Variants in CATSPERB observed in about 807,000 individuals in gnomAD.
The protein encoded by CATSPERB is catsper channel auxiliary subunit beta, also known as cation channel sperm-associated auxiliary subunit beta.
CATSPERB carries 93 observed loss-of-function variants against 128.3 expected under a neutral mutation model. The observed-to-expected ratio is 0.72, with a 90% CI of 0.61 to 0.86. CATSPERB has a LOEUF of 0.86. Ranked by LOEUF, CATSPERB falls within the 40% of genes least tolerant of loss-of-function variation. CATSPERB has a pLI of 0.00. For synonymous variants in CATSPERB, 381 were observed against 448.8 expected (o/e 0.85, Z 1.91); for missense variants, 1,153 against 1,329.5 (o/e 0.87, Z 2.06).
chr14:91,611,352 G>A (rs891365081), intron 20 of CATSPERB, among the ~76,000 whole-genome samples: 6 of 152,216 alleles, frequency 3.9e-5, no homozygotes, highest in African/African-American at 1.4e-4. Context: ...GCTCACGCCT[G>A]TAATCCCAGC....
chr14:91,684,883 C>T (rs1356321793), intron 10 of CATSPERB, among the ~76,000 whole-genome samples: 1 of 152,050 alleles, frequency 6.6e-6, no homozygotes, highest in Non-Finnish European at 1.5e-5. Context: ...TCCCAAAGTG[C>T]TGGCATTATA....
chr14:91,715,865 G>A (rs1176075647), intron 5 of CATSPERB, among the ~76,000 whole-genome samples: 1 of 152,106 alleles, frequency 6.6e-6, no homozygotes, highest in Non-Finnish European at 1.5e-5. Context: ...CAATGGTACT[G>A]GAATAACTGG....
intron 17 of CATSPERB, among the ~76,000 whole-genome samples, chr14:91,631,109 T>C (rs1385134054): frequency 1.3e-5 from 2 of 152,354 alleles, no homozygotes; most frequent in African/African-American, 4.8e-5. Context: ...AAAGCACATG[T>C]TAGATATGAA....
chr14:91,625,424 C>T (rs1295249718), intron 17 of CATSPERB, among the ~76,000 whole-genome samples: 2 of 152,008 alleles, frequency 1.3e-5, no homozygotes, highest in African/African-American at 4.8e-5. Context: ...GGGGAGAAAG[C>T]TTTCTATACA....
intron 22 of CATSPERB, among the ~76,000 whole-genome samples, 176 bp downstream of exon 22, chr14:91,608,118 T>C (rs1383011289): frequency 6.6e-6 from 1 of 152,152 alleles, no homozygotes; most frequent in Non-Finnish European, 1.5e-5. Flanking sequence ...TCCAAAACTG[T>C]ATTCAGGAAT....
intron 22 of CATSPERB, among the ~76,000 whole-genome samples, chr14:91,595,569 T>C (rs190510447): frequency 4.0e-3 from 613 of 152,272 alleles, no homozygotes; most frequent in African/African-American, 0.014. Context: ...AAGATAAACC[T>C]GGGGCTTCTG....
chr14:91,603,856 G>C (rs1438363305), intron 22 of CATSPERB, among the ~76,000 whole-genome samples: 1 of 152,134 alleles, frequency 6.6e-6, no homozygotes, highest in Non-Finnish European at 1.5e-5. Context: ...TCATACATGA[G>C]GCCTCACCTC....
At chr14:91,636,839 GA>G (rs1216674712) in intron 16 of CATSPERB, among the ~76,000 whole-genome samples, 3 of 152,226 alleles carry the variant, frequency 2.0e-5, no homozygotes, top group African/African-American at 2.4e-5. Context: ...TGGTTGGAGT[GA>G]AAGGGTACAT....
intron 3 of CATSPERB, 41 bp from the exon 4 acceptor site, chr14:91,723,230 T>C: frequency 2.9e-6 from 4 of 1,397,324 alleles, no homozygotes; most frequent in South Asian, 1.7e-5. Flanking sequence ...TAATAACCAC[T>C]TGATGCAGAC....
At chr14:91,698,127 G>A (rs186518412) in intron 7 of CATSPERB, among the ~76,000 whole-genome samples, 16 of 152,076 alleles carry the variant, frequency 1.1e-4, no homozygotes, top group African/African-American at 3.6e-4. Flanking sequence ...GGGTGTGTGT[G>A]TGGTGGGGGG....
intron 7 of CATSPERB, among the ~76,000 whole-genome samples, chr14:91,704,248 A>G (rs552412570): frequency 6.6e-6 from 1 of 152,322 alleles, no homozygotes; most frequent in Non-Finnish European, 1.5e-5. Flanking sequence ...CTATTTATAC[A>G]TGGTAGGAAT....
chr14:91,621,301 G>A (rs1169596268), intron 19 of CATSPERB, among the ~76,000 whole-genome samples: 2 of 152,190 alleles, frequency 1.3e-5, no homozygotes, highest in Non-Finnish European at 2.9e-5. Context: ...TTGGGAGGCT[G>A]AGGCAGGAGA....
chr14:91,709,620 A>G (rs1411180301), intron 5 of CATSPERB: 10 of 140,908 alleles, frequency 7.1e-5, no homozygotes, highest in Non-Finnish European at 1.4e-4. Flanking sequence ...TGAACCCAGG[A>G]GGTGGAGCTT....
intron 17 of CATSPERB, among the ~76,000 whole-genome samples, chr14:91,633,146 T>G (rs1242042270): frequency 6.6e-6 from 1 of 152,224 alleles, no homozygotes; most frequent in Non-Finnish European, 1.5e-5. Flanking sequence ...GGGGTCTTCA[T>G]TTCTTCAGGA....
intron 26 of CATSPERB, among the ~76,000 whole-genome samples, chr14:91,584,517 C>T (rs1431285361): frequency 6.6e-6 from 1 of 152,220 alleles, no homozygotes; most frequent in East Asian, 1.9e-4. Context: ...ATTCCTGAAG[C>T]TTCAAGGTTC....
At chr14:91,606,069 G>T (rs888852735) in intron 22 of CATSPERB, among the ~76,000 whole-genome samples, 4 of 151,658 alleles carry the variant, frequency 2.6e-5, no homozygotes, top group African/African-American at 9.7e-5. Flanking sequence ...CCAGCTGCTT[G>T]GGAGGCTGAG....
At chr14:91,630,914 C>T (rs187437331) in intron 17 of CATSPERB, among the ~76,000 whole-genome samples, 12 of 152,298 alleles carry the variant, frequency 7.9e-5, no homozygotes, top group African/African-American at 1.9e-4. Context: ...GGCCTTTCCA[C>T]GACACCATCA....
In CATSPERB at chr14:91,580,728, TAAG is replaced by T; in HGVS notation, c.*158_*160del. 1.1e-5 allele frequency: 7 copies of T among 630,658 alleles called. No homozygotes were observed. Among genetic ancestry groups the T allele is most frequent in the Non-Finnish European group, 1.9e-5 (7 of 366,062 alleles). 39.1% of individuals were successfully genotyped at this position (630,658 alleles called of 1,614,324 possible). On this transcript the variant is annotated 3_prime_UTR_variant, in exon 27 of 27. Transcript: ENST00000256343. ...TAAGACATTTTCTATGTATTCAAAA[TAAG>T]AAAAGGAAATGGTGAATATATTGAC...
At chr14:91,696,689 G>A (rs978454041) in intron 7 of CATSPERB, among the ~76,000 whole-genome samples, 24 of 152,138 alleles carry the variant, frequency 1.6e-4, no homozygotes, top group African/African-American at 4.6e-4. Context: ...CTATCCTAAC[G>A]GATACAATCC....
Sources: gnomAD v4.1 joint callset for allele counts (sites outside exome capture counted in the v4.1 genomes callset) on GRCh38, gnomAD v4.1.1 for gene constraint, MANE v1.5 for transcripts, NCBI Gene and HGNC (gene_info 2026-07-23, HGNC 2026-07-21) for gene names.